Variants in SEMA3A observed in about 807,000 individuals in gnomAD.
SEMA3A encodes semaphorin 3A, also known as semaphorin-3A.
A neutral mutation model predicts 97.9 loss-of-function variants in SEMA3A; 29 were observed. The observed-to-expected ratio is 0.30, with a 90% CI of 0.22 to 0.40. The LOEUF (loss-of-function observed/expected upper bound fraction) is 0.40. Among genes scored for constraint, SEMA3A ranks in the 10% least tolerant of loss-of-function variants. SEMA3A has a pLI of 1.00. For missense variants in SEMA3A, 763 were observed against 951.3 expected, an observed-to-expected ratio of 0.80 and a Z score of 2.60; for synonymous variants, 321 against 323.7, an observed-to-expected ratio of 0.99 and a Z score of 0.09.
intron 4 of SEMA3A, among the ~76,000 whole-genome samples, chr7:84,078,954 C>T (rs1794052605): frequency 6.6e-6 from 1 of 151,936 alleles, no homozygotes; most frequent in Non-Finnish European, 1.5e-5. Context: ...AGCTTAATCA[C>T]CATAGAGGTA....
chr7:84,344,572 C>T (rs1450991463), intron 2 of SEMA3A, among the ~76,000 whole-genome samples: 1 of 152,120 alleles, frequency 6.6e-6, no homozygotes, highest in Non-Finnish European at 1.5e-5. Flanking sequence ...CAGAGATGCA[C>T]TTTTGTTGGT....
intron 3 of SEMA3A, among the ~76,000 whole-genome samples, chr7:84,234,228 T>G (rs967447556): frequency 2.0e-5 from 3 of 151,554 alleles, no homozygotes; most frequent in Non-Finnish European, 4.4e-5. Flanking sequence ...TTAAAAATCC[T>G]ACAACCTAAT....
intron 12 of SEMA3A, among the ~76,000 whole-genome samples, chr7:83,988,007 T>C (rs546316243): frequency 3.8e-4 from 58 of 152,208 alleles, no homozygotes; most frequent in Admixed American, 1.7e-3. Context: ...CCATAACTAT[T>C]ATTAGACTTT....
At chr7:84,104,193 C>G (rs1795039999) in intron 4 of SEMA3A, among the ~76,000 whole-genome samples, 1 of 152,052 alleles carries the variant, frequency 6.6e-6, no homozygotes, top group Non-Finnish European at 1.5e-5. Flanking sequence ...ATAGTGCTCA[C>G]TTCGGCAGCA....
chr7:84,037,127 A>G (rs1199460908), intron 6 of SEMA3A, among the ~76,000 whole-genome samples: 1 of 150,670 alleles, frequency 6.6e-6, no homozygotes, highest in East Asian at 2.0e-4. Flanking sequence ...TTCTTTGCAG[A>G]TTCCTTCCAA....
At chr7:84,393,415 G>A (rs969547117) in intron 1 of SEMA3A, among the ~76,000 whole-genome samples, 4 of 152,028 alleles carry the variant, frequency 2.6e-5, no homozygotes, top group Non-Finnish European at 4.4e-5. Context: ...GAACAAAGCC[G>A]GAGGCATCAC....
intron 1 of SEMA3A, among the ~76,000 whole-genome samples, chr7:84,479,153 T>C (rs1210662821): frequency 2.0e-5 from 3 of 152,150 alleles, no homozygotes; most frequent in Non-Finnish European, 4.4e-5. Flanking sequence ...TTTTTCATGG[T>C]AAAAAATGCA....
intron 1 of SEMA3A, among the ~76,000 whole-genome samples, chr7:84,407,961 T>C (rs2116238972): frequency 6.6e-6 from 1 of 152,286 alleles, no homozygotes; most frequent in Non-Finnish European, 1.5e-5. Context: ...ACCTAGGCAT[T>C]ACCATTCAGG....
intron 15 of SEMA3A, among the ~76,000 whole-genome samples, chr7:83,970,109 C>A (rs2116281964): frequency 6.6e-6 from 1 of 152,184 alleles, no homozygotes; most frequent in South Asian, 2.1e-4. Flanking sequence ...TAATTGAGAG[C>A]AACAAAACAT....
At position 84,487,669 on chromosome 7, in the gene SEMA3A, T is replaced by C. The variant is rs138643435; in HGVS notation, c.-246+4791A>G. On this transcript the variant is annotated intron_variant, in intron 1 of 3. Coordinates refer to the SEMA3A transcript ENST00000424555. ...ACCTGTGGATCTCTTTGACTAATGA[T>C]AGTGATAGAGGAAGTCCACTGTTTT... is the stretch of plus-strand genomic sequence containing the variant. 8.4e-3 allele frequency among the ~76,000 whole-genome samples: 1,281 copies of C among 152,288 alleles called. 8 individuals carry two copies. The highest frequency in any genetic ancestry group is 0.029 in the African/African-American group (1,191 of 41,568).
intron 3 of SEMA3A, among the ~76,000 whole-genome samples, chr7:84,286,686 T>A (rs779684330): frequency 3.3e-5 from 5 of 152,054 alleles, no homozygotes; most frequent in Non-Finnish European, 5.9e-5. Flanking sequence ...CAGCTAGAAT[T>A]CAAAGGTAGT....
At chr7:84,352,648 G>C (rs1166466389) in intron 2 of SEMA3A, among the ~76,000 whole-genome samples, 1 of 151,848 alleles carries the variant, frequency 6.6e-6, no homozygotes, top group Non-Finnish European at 1.5e-5. Context: ...GGCCAAGACT[G>C]AACATGAGCT....
intron 4 of SEMA3A, among the ~76,000 whole-genome samples, chr7:84,104,099 A>C (rs1795037354): frequency 6.6e-6 from 1 of 152,124 alleles, no homozygotes; most frequent in African/African-American, 2.4e-5. Flanking sequence ...AAACATGTTT[A>C]TGGTTAATAT....
chr7:84,041,842 A>C (rs910400825), intron 6 of SEMA3A, among the ~76,000 whole-genome samples: 2 of 152,138 alleles, frequency 1.3e-5, no homozygotes, highest in African/African-American at 4.8e-5. Context: ...AACTTGCTTA[A>C]GCCAAAGAAA....
chr7:84,004,027 T>G (rs1790562123), intron 11 of SEMA3A, among the ~76,000 whole-genome samples: 1 of 151,900 alleles, frequency 6.6e-6, no homozygotes, highest in Admixed American at 6.6e-5. Flanking sequence ...AAGCAGTTAC[T>G]ATATGGTTGC....
chr7:84,067,321 A>T (rs1000426851), intron 4 of SEMA3A, among the ~76,000 whole-genome samples: 4 of 152,188 alleles, frequency 2.6e-5, no homozygotes, highest in Admixed American at 6.5e-5. Context: ...TAAAAACCCT[A>T]GAAGAAAACC....
chr7:84,016,726 C>T lies in SEMA3A; in HGVS notation c.668-2375G>A, dbSNP rs539800497. Among the ~76,000 whole-genome samples, 555 of 152,108 alleles carry T rather than the reference C, an allele frequency of 3.6e-3. 6 individuals carry two copies. Among genetic ancestry groups the T allele is most frequent in the South Asian group, 0.019 (90 of 4,818 alleles). On this transcript the variant is annotated intron_variant, in intron 6 of 16. Transcript: ENST00000265362. ...TTCACCTTGTCTGTCATAAATAGTT[C>T]ATATAAAAACAAATATTTTAAGCCT...
intron 3 of SEMA3A, among the ~76,000 whole-genome samples, chr7:84,244,916 T>C (rs565534017): frequency 6.6e-6 from 1 of 152,252 alleles, no homozygotes; most frequent in African/African-American, 2.4e-5. Context: ...ATATTGGCCC[T>C]CACTTTCTTC....
intron 2 of SEMA3A, among the ~76,000 whole-genome samples, chr7:84,322,216 A>G (rs1801666434): frequency 6.6e-6 from 1 of 152,002 alleles, no homozygotes; most frequent in Admixed American, 6.6e-5. Flanking sequence ...GTTACAATTC[A>G]AAGTGAGATT....
Sources: gnomAD v4.1 joint callset for allele counts (sites outside exome capture counted in the v4.1 genomes callset) on GRCh38, gnomAD v4.1.1 for gene constraint, MANE v1.5 for transcripts, NCBI Gene and HGNC (gene_info 2026-07-23, HGNC 2026-07-21) for gene names.